PKIB: variants seen among roughly 807,000 people sequenced by gnomAD.
PKIB encodes the protein cAMP-dependent protein kinase inhibitor beta.
In PKIB, 2 loss-of-function variants were observed where a neutral mutation model predicts 4.5. The observed-to-expected ratio is 0.44, with a 90% CI of 0.18 to 1.39. PKIB has a LOEUF of 1.39. Ranked by LOEUF, PKIB falls within the 40% of genes most tolerant of loss-of-function variation. The probability of loss-of-function intolerance (pLI) is 0.27; values close to 1 mark genes in which losing one functional copy is unlikely to be tolerated. For synonymous variants in PKIB, 38 were observed against 36.0 expected (o/e 1.06, Z -0.20); for missense variants, 94 against 92.6 (o/e 1.02, Z -0.06).
intron 4 of PKIB, among the ~76,000 whole-genome samples, chr6:122,722,542 T>C (rs1779786049): frequency 6.6e-6 from 1 of 152,202 alleles, no homozygotes; most frequent in Non-Finnish European, 1.5e-5. Flanking sequence ...AAGCTTTGTG[T>C]GTAGCTTGCT....
intron 2 of PKIB, among the ~76,000 whole-genome samples, chr6:122,660,276 T>C (rs1362048796): frequency 1.3e-5 from 2 of 152,204 alleles, no homozygotes; most frequent in Non-Finnish European, 2.9e-5. Flanking sequence ...AAAGACAAGA[T>C]GATATGTTGG....
chr6:122,477,258 G>A (rs1775473853), intron 1 of PKIB, among the ~76,000 whole-genome samples: 1 of 152,178 alleles, frequency 6.6e-6, no homozygotes, highest in African/African-American at 2.4e-5. Context: ...TCTGTAAGCT[G>A]AAGGAGAAAG....
Position 122,717,807 on chromosome 6 carries a change from T to C in PKIB, c.13T>C (p.Ser5Pro), listed in dbSNP as rs780368191. ...TGTAGATGTTGCTATGAGGACAGAT[T>C]CATCAAAAATGACTGACGTGGAGTC... is the stretch of plus-strand genomic sequence containing the variant. MRTD[S>P]SKMTDVESGV... Residue 5 changes from serine (S) to proline (P), a missense_variant, in exon 4 of 5, where the codon TCA becomes CCA. Physicochemically the swap from Ser to Pro is moderately conservative, Grantham distance 74 (BLOSUM62 -1). Coordinates refer to ENST00000368452, the MANE Select transcript of PKIB (RefSeq NM_181795.3). The C allele has an allele frequency of 6.2e-7, 1 of 1,614,086 alleles. No homozygotes were observed. Among genetic ancestry groups the C allele is most frequent in the Non-Finnish European group, 8.5e-7 (1 of 1,179,978 alleles).
At chr6:122,511,455 T>C (rs937355841) in intron 2 of PKIB, among the ~76,000 whole-genome samples, 2 of 152,190 alleles carry the variant, frequency 1.3e-5, no homozygotes, top group African/African-American at 4.8e-5. Flanking sequence ...AACTTTTTTG[T>C]CCTCAGGAGT....
chr6:122,705,460 A>G (rs1779016869), intron 3 of PKIB, among the ~76,000 whole-genome samples: 1 of 152,022 alleles, frequency 6.6e-6, no homozygotes, highest in Non-Finnish European at 1.5e-5. Context: ...AATTTTTGGA[A>G]TCAGCTTATT....
rs189810629 is a variant in PKIB, at chr6:122,551,420, G to A, written c.-247-34501G>A. The stretch of plus-strand genomic sequence containing the variant: ...ATGCTTTTAATCATGTTCTTTTTTT[G>A]TTTTCTAAACATCTCTTTTTATCTA... On this transcript the variant is annotated intron_variant, in intron 2 of 6. Transcript: ENST00000392491. Among the ~76,000 whole-genome samples, 4 of 149,698 alleles carry A rather than the reference G, an allele frequency of 2.7e-5. No homozygotes were observed. In the East Asian group the frequency reaches 7.8e-4, roughly 29 times the overall value.
At chr6:122,597,529 C>G (rs1385752160) in intron 3 of PKIB, among the ~76,000 whole-genome samples, 1 of 152,196 alleles carries the variant, frequency 6.6e-6, no homozygotes, top group Non-Finnish European at 1.5e-5. Flanking sequence ...AATCCACTGT[C>G]ATTCTCCAAG....
At chr6:122,648,112 G>C (rs1776398366) in intron 2 of PKIB, among the ~76,000 whole-genome samples, 1 of 152,228 alleles carries the variant, frequency 6.6e-6, no homozygotes. Context: ...TTCTTTGCCT[G>C]TTGATTCAGA....
intron 2 of PKIB, among the ~76,000 whole-genome samples, chr6:122,568,235 G>C (rs1773251626): frequency 6.6e-6 from 1 of 152,090 alleles, no homozygotes; most frequent in Non-Finnish European, 1.5e-5. Flanking sequence ...TGTTTAAAAA[G>C]ATACATTCTG....
Position 122,574,654 on chromosome 6 carries a change from CTG to C in PKIB, c.-247-11265_-247-11264del, listed in dbSNP as rs1428257097. On this transcript the variant is annotated intron_variant, in intron 2 of 6. Transcript: ENST00000392491. ...TCGACAAAGCATACAAAAACATAAA[CTG>C]TATATTCAATAAATGGTGATGGGAA... 4.0e-5 allele frequency among the ~76,000 whole-genome samples: 6 copies of C among 151,418 alleles called. No homozygotes were observed. In the East Asian group the frequency reaches 9.7e-4, roughly 24 times the overall value.
intron 3 of PKIB, among the ~76,000 whole-genome samples, chr6:122,599,637 C>T (rs1297094560): frequency 6.6e-6 from 1 of 152,154 alleles, no homozygotes; most frequent in Non-Finnish European, 1.5e-5. Context: ...AGCAACCAAC[C>T]AGCTTCATTA....
intron 2 of PKIB, among the ~76,000 whole-genome samples, chr6:122,550,091 T>A (rs967719293): frequency 1.3e-5 from 2 of 151,860 alleles, no homozygotes; most frequent in Admixed American, 1.3e-4. Context: ...ATTTCTGTAT[T>A]TTTAGTAGAG....
At chr6:122,592,657 G>A (rs565652312) in intron 3 of PKIB, among the ~76,000 whole-genome samples, 1 of 152,088 alleles carries the variant, frequency 6.6e-6, no homozygotes, top group East Asian at 1.9e-4. Flanking sequence ...TAAGATTATG[G>A]TGCAAAGATG....
chr6:122,481,950 A>C (rs1775624794), intron 2 of PKIB: 1 of 145,630 alleles, frequency 6.9e-6, no homozygotes, highest in African/African-American at 2.5e-5. Flanking sequence ...AGAACACAGC[A>C]GCAAAGGTAA....
rs1432793971 is a variant in PKIB, at chr6:122,669,570, A to G, written c.-75-5508A>G. On this transcript the variant is annotated intron_variant, in intron 2 of 4. Transcript: ENST00000368452. ...TCTGATCTTAGTCTTAGATTCTATTAATTTTCACATTTTCATCTGTATATA... is the reference window on the plus strand; with the variant it reads ...TCTGATCTTAGTCTTAGATTCTATTGATTTTCACATTTTCATCTGTATATA... Among the ~76,000 whole-genome samples the G allele has an allele frequency of 2.6e-5, 4 of 151,994 alleles. No homozygotes were observed. The South Asian group carries it at 8.3e-4, about 32-fold the overall frequency.
Position 122,594,586 on chromosome 6 carries a change from C to G in PKIB, c.-161+8579C>G, listed in dbSNP as rs1307735426. Among the ~76,000 whole-genome samples the G allele has an allele frequency of 3.3e-5, 5 of 152,196 alleles. No homozygotes were observed. In the East Asian group the frequency reaches 9.6e-4, roughly 29 times the overall value. Reference sequence around the variant, plus strand: ...GGAAACGCTCATGACAATTACAGTTCTCGTTTCTGCAGCTGGTCATGTGGT... The same window carrying G: ...GGAAACGCTCATGACAATTACAGTTGTCGTTTCTGCAGCTGGTCATGTGGT... On this transcript the variant is annotated intron_variant, in intron 3 of 6. Transcript: ENST00000392491.
chr6:122,495,741 C>T (rs1038763584), intron 2 of PKIB, among the ~76,000 whole-genome samples: 3 of 152,108 alleles, frequency 2.0e-5, no homozygotes, highest in South Asian at 2.1e-4. Context: ...TTATAAGAAG[C>T]GGAAGTACTC....
chr6:122,720,917 G>A (rs1299182318), intron 4 of PKIB, among the ~76,000 whole-genome samples: 2 of 152,110 alleles, frequency 1.3e-5, no homozygotes, highest in Non-Finnish European at 2.9e-5. Context: ...GGGCAGGCTG[G>A]TCTCAAACTC....
intron 1 of PKIB, among the ~76,000 whole-genome samples, chr6:122,631,862 A>G (rs1468632494): frequency 2.0e-5 from 3 of 152,224 alleles, no homozygotes; most frequent in Admixed American, 6.5e-5. Context: ...AAACTAACTT[A>G]GAGTGGCTAA....
Sources: gnomAD v4.1 joint callset for allele counts (sites outside exome capture counted in the v4.1 genomes callset) on GRCh38, gnomAD v4.1.1 for gene constraint, MANE v1.5 for transcripts, NCBI Gene and HGNC (gene_info 2026-07-23, HGNC 2026-07-21) for gene names.